CIB1: variants seen among roughly 807,000 people sequenced by gnomAD.
CIB1 encodes calcium and integrin-binding protein 1.
A neutral mutation model predicts 25.0 loss-of-function variants in CIB1; 19 were observed. The ratio of observed to expected loss-of-function variants is 0.76; its 90% CI spans 0.53 to 1.12. CIB1 has a LOEUF of 1.12. CIB1 is among the 50% of genes most tolerant of loss of function. CIB1 has a pLI of 0.00. For synonymous variants in CIB1, 104 were observed against 98.5 expected, an observed-to-expected ratio of 1.06 and a Z score of -0.33; for missense variants, 236 against 242.6, an observed-to-expected ratio of 0.97 and a Z score of 0.18.
chr15:90,250,044 A>G, the CIB1 span, among the ~76,000 whole-genome samples: 2 of 147,562 alleles, frequency 1.4e-5, no homozygotes, highest in East Asian at 4.1e-4. Flanking sequence ...TGCAACCTCC[A>G]CCTCCCAGGT....
At chr15:90,264,088 T>G in the CIB1 span, 14 of 1,390,240 alleles carry the variant, frequency 1.0e-5, no homozygotes, top group Non-Finnish European at 1.4e-5. Flanking sequence ...TTTGGTCATT[T>G]TGACATATGT....
chr15:90,243,332 AAC>A, the CIB1 span: 1 of 152,110 alleles, frequency 6.6e-6, no homozygotes, highest in Non-Finnish European at 1.5e-5. Flanking sequence ...CTGATGTAAA[AAC>A]ACAGTGTTGT....
the CIB1 span, chr15:90,244,923 A>G: frequency 6.6e-6 from 1 of 152,186 alleles, no homozygotes; most frequent in Non-Finnish European, 1.5e-5. Flanking sequence ...CCCTGTTCAC[A>G]GCGTAAGGGT....
the CIB1 span, chr15:90,264,608 G>A: frequency 1.6e-6 from 2 of 1,244,382 alleles, no homozygotes; most frequent in Non-Finnish European, 2.2e-6. Context: ...GACAGTGGAG[G>A]GAAGCATGAG....
At chr15:90,263,949 C>G in the CIB1 span, 1 of 1,534,684 alleles carries the variant, frequency 6.5e-7, no homozygotes. Flanking sequence ...ATCTGCAGCC[C>G]AAGAACTTCA....
the CIB1 span, chr15:90,241,880 C>T: frequency 3.1e-6 from 5 of 1,614,092 alleles, no homozygotes; most frequent in South Asian, 1.1e-5. Flanking sequence ...GGATAAAGGA[C>T]GGTGAAGCTT....
the CIB1 span, chr15:90,259,048 A>C: frequency 6.5e-7 from 1 of 1,547,698 alleles, no homozygotes; most frequent in Non-Finnish European, 8.7e-7. Flanking sequence ...TTGCATAGAT[A>C]ATATGTTCAT....
chr15:90,264,517 A>T, the CIB1 span, among the ~76,000 whole-genome samples: 1 of 152,302 alleles, frequency 6.6e-6, no homozygotes, highest in East Asian at 1.9e-4. Context: ...GAAATGGCAG[A>T]AATACAGTCC....
At chr15:90,260,856 A>C in the CIB1 span, among the ~76,000 whole-genome samples, 1 of 151,254 alleles carries the variant, frequency 6.6e-6, no homozygotes, top group Non-Finnish European at 1.5e-5. Flanking sequence ...GTCTCAAAAA[A>C]AAAAAAAAAA....
At chr15:90,260,341 A>C in the CIB1 span, among the ~76,000 whole-genome samples, 5 of 151,878 alleles carry the variant, frequency 3.3e-5, no homozygotes, top group Non-Finnish European at 7.4e-5. Flanking sequence ...TACAAAAAAT[A>C]CAAAAATTAG....
chr15:90,237,594 A>G (rs1351414509), upstream of CIB1, among the ~76,000 whole-genome samples: 1 of 152,006 alleles, frequency 6.6e-6, no homozygotes, highest in Non-Finnish European at 1.5e-5. Flanking sequence ...CCAGCCCCTC[A>G]TTGTGATTTT....
the CIB1 span, chr15:90,264,100 A>C: frequency 7.9e-7 from 1 of 1,267,594 alleles, no homozygotes; most frequent in Non-Finnish European, 1.1e-6. Flanking sequence ...GACATATGTA[A>C]ATCCCACTAG....
Position 90,231,203 on chromosome 15 carries a change from A to G in CIB1, c.357T>C (p.Asp119=), listed in dbSNP as rs755078702. 1.8e-5 allele frequency: 29 copies of G among 1,588,152 alleles called. No homozygotes were observed. The highest frequency in any genetic ancestry group is 2.3e-5 in the Non-Finnish European group (27 of 1,170,800). ...GGTCTTCTCTGTTCAAGGTTCCGTC[A>G]TCATCAAAGTCTAGAGAGCAGACAC... ...HYAFRIFDFD[D]DGTLNREDLS... Residue 119 remains aspartate (D), a synonymous_variant, in exon 5 of 7, where the codon GAT becomes GAC. Transcript: ENST00000328649.
At chr15:90,237,718 T>C (rs900312899), upstream of CIB1, among the ~76,000 whole-genome samples, 22 of 152,194 alleles carry the variant, frequency 1.4e-4, no homozygotes, top group African/African-American at 4.3e-4. Flanking sequence ...TTCTCCTTTT[T>C]TTGGTTTTGT....
At chr15:90,230,908 A>G (rs1164780473) in intron 6 of CIB1, 26 bp downstream of exon 6, 2 of 1,596,548 alleles carry the variant, frequency 1.3e-6, no homozygotes, top group Non-Finnish European at 1.7e-6. Context: ...GCAGGTACCC[A>G]GAATGAAGGG....
upstream of CIB1, among the ~76,000 whole-genome samples, chr15:90,235,534 A>C (rs1346399584): frequency 6.6e-6 from 1 of 152,062 alleles, no homozygotes; most frequent in Non-Finnish European, 1.5e-5. Flanking sequence ...AATAAAAAAA[A>C]ATAACTAGGG....
the CIB1 span, among the ~76,000 whole-genome samples, chr15:90,248,541 C>T: frequency 6.6e-6 from 1 of 151,256 alleles, no homozygotes; most frequent in Non-Finnish European, 1.5e-5. Flanking sequence ...ACAGCAAAAC[C>T]CCATCTCTAC....
chr15:90,263,521 T>G, the CIB1 span: 1 of 536,344 alleles, frequency 1.9e-6, no homozygotes, highest in Admixed American at 3.3e-5. Flanking sequence ...TAATGGGAGA[T>G]AAGTAAACAG....
intron 6 of CIB1, 119 bp from the exon 7 acceptor site, chr15:90,230,624 C>T: frequency 9.0e-7 from 1 of 1,108,930 alleles, no homozygotes; most frequent in Non-Finnish European, 1.3e-6. Context: ...CGTGTGTCAG[C>T]CCCCTCTGCA....
Sources: allele counts gnomAD v4.1 joint callset (sites outside exome capture counted in the v4.1 genomes callset), GRCh38; gene constraint gnomAD v4.1.1; transcripts MANE v1.5; gene names NCBI Gene and HGNC (gene_info 2026-07-23, HGNC 2026-07-21).